Variants in RPS28 observed in about 807,000 individuals in gnomAD.
RPS28 encodes small ribosomal subunit protein eS28.
A neutral mutation model predicts 9.4 loss-of-function variants in RPS28; 2 were observed. That is an observed-to-expected ratio of 0.21 (90% CI 0.09 to 0.67). RPS28 has a LOEUF of 0.67. Among genes scored for constraint, RPS28 ranks in the 30% least tolerant of loss-of-function variants. The pLI is 0.82. For missense variants in RPS28, 35 were observed against 95.3 expected (o/e 0.37, Z 2.63); for synonymous variants, 41 against 37.8 (o/e 1.08, Z -0.31).
At position 8,323,106 on chromosome 19, in the gene RPS28, G is replaced by A. The variant is rs1970352442; in HGVS notation, c.*851G>A. The A allele has an allele frequency of 2.1e-6, 1 of 477,472 alleles. No individual in the cohort carries two copies. The highest frequency in any genetic ancestry group is 3.7e-6 in the Non-Finnish European group (1 of 269,036). The allele number at this position is 477,472 out of a possible 1,614,324, so 29.6% of individuals were successfully genotyped here. A position where few individuals can be genotyped will look rare whatever the true frequency, so the allele number is the denominator to read the frequency against. On this transcript the variant is annotated 3_prime_UTR_variant, in exon 4 of 4. Coordinates refer to ENST00000600659, the MANE Select transcript of RPS28 (RefSeq NM_001031.5). ...TGACCTTCCTCCCACATCCCTTCCA[G>A]TGGGGTGAGTACAGGTGTTCCTCAG...
chr19:8,323,142 G>A lies in RPS28; in HGVS notation c.*887G>A, dbSNP rs1970353367. 1 of 397,230 alleles carries A rather than the reference G, an allele frequency of 2.5e-6. No individual in the cohort carries two copies. The highest frequency in any genetic ancestry group is 4.5e-6 in the Non-Finnish European group (1 of 221,762). The allele number at this position is 397,230 out of a possible 1,614,324, so 24.6% of individuals were successfully genotyped here. On this transcript the variant is annotated 3_prime_UTR_variant, in exon 4 of 4. Transcript: ENST00000600659. ...ACAGGTGTTCCTCAGTTTACAATGGGTTACATTCCGGTGAGTACATCATAG... is the reference window on the plus strand; with the variant it reads ...ACAGGTGTTCCTCAGTTTACAATGGATTACATTCCGGTGAGTACATCATAG...
At position 8,323,221 on chromosome 19, in the gene RPS28, C is replaced by G. The variant is rs995439647; in HGVS notation, c.*966C>G. On this transcript the variant is annotated 3_prime_UTR_variant, in exon 4 of 4. Transcript: ENST00000600659. ...TTAATACACCTAATCTCCCAAACAT[C>G]ACAGCTTAGCATGGTCCATCTTAAG... The G allele has an allele frequency of 1.8e-5, 4 of 225,514 alleles. No homozygotes were observed. Among genetic ancestry groups the G allele is most frequent in the Admixed American group, 1.1e-4 (2 of 17,960 alleles). 14.0% of individuals were successfully genotyped at this position (225,514 alleles called of 1,614,324 possible). A position where few individuals can be genotyped will look rare whatever the true frequency, so the allele number is the denominator to read the frequency against.
Position 8,321,695 on chromosome 19 carries a change from T to A in RPS28, c.79T>A (p.Cys27Ser). Residue 27 changes from cysteine (C) to serine (S), a missense_variant, in exon 2 of 4, where the codon TGC becomes AGC. Coordinates refer to ENST00000600659, the MANE Select transcript of RPS28 (RefSeq NM_001031.5). ...VLGRTGSQGQ[C>S]TQVRVEFMDD... ...GGGCAGGACCGGTTCTCAGGGACAG[T>A]GCACGCAGGTAATCGGGTGGGGGCA... 1 of 1,566,214 alleles carries A rather than the reference T, an allele frequency of 6.4e-7. No homozygotes were observed. Among genetic ancestry groups the A allele is most frequent in the Non-Finnish European group, 8.7e-7 (1 of 1,155,060 alleles).
rs548607846 is a variant in RPS28 at position 8,321,524 on chromosome 19, C to T, written c.-7C>T. On this transcript the variant is annotated 5_prime_UTR_variant, in exon 1 of 4. Coordinates refer to ENST00000600659, the MANE Select transcript of RPS28 (RefSeq NM_001031.5). ...CCTCTCCGCCAGACCGCCGCCGCGC[C>T]GCCATCATGGACACCAGCCGTGTGC... 23 of 1,583,954 alleles carry T rather than the reference C, an allele frequency of 1.5e-5. No individual in the cohort carries two copies. The East Asian group carries it at 2.5e-4, about 17-fold the overall frequency.
In RPS28 at chr19:8,321,882, T is replaced by A. The variant is rs144360927; in HGVS notation, c.88-71T>A. Reference sequence around the variant, plus strand: ...CCGACACGTTCTCTGAATTCATATCTGCTTCCCACTCCGCGGTGCCTTTCC... The same window carrying A: ...CCGACACGTTCTCTGAATTCATATCAGCTTCCCACTCCGCGGTGCCTTTCC... On this transcript the variant is annotated intron_variant, in intron 2 of 3. Transcript: ENST00000600659. 4.4e-6 allele frequency: 7 copies of A among 1,588,358 alleles called. 1 individual carries two copies. The highest frequency in any genetic ancestry group is 4.0e-5 in the African/African-American group (3 of 74,464).
chr19:8,321,574 G>A lies in RPS28; in HGVS notation c.39+5G>A. ...CAGCCTATCAAGCTGGCCAGGGTGA[G>A]GTGGGGGCCCGAATTTGGGGGCAGG... On this transcript the variant is annotated splice_donor_5th_base_variant and intron_variant, in intron 1 of 3. Transcript: ENST00000600659. The A allele has an allele frequency of 1.9e-6, 3 of 1,579,202 alleles. No homozygotes were observed. The highest frequency in any genetic ancestry group is 2.3e-5 in the East Asian group (1 of 43,774).
At chr19:8,321,873 A>G (rs1970322497) in intron 2 of RPS28, 80 bp from the exon 3 acceptor site, 3 of 1,576,654 alleles carry the variant, frequency 1.9e-6, no homozygotes, top group Non-Finnish European at 2.6e-6. Context: ...CGTTCTCTGA[A>G]TTCATATCTG....
chr19:8,322,822 G>C lies in RPS28; in HGVS notation c.*567G>C. On this transcript the variant is annotated 3_prime_UTR_variant, in exon 4 of 4. Coordinates refer to ENST00000600659, the MANE Select transcript of RPS28 (RefSeq NM_001031.5). ...AGATCTCCCCACAGCTAGGTGTAGT[G>C]AGCCAGACGAGGCAGCTTACTGAAC... 6.3e-7 allele frequency: 1 copy of C among 1,591,138 alleles called. No individual in the cohort carries two copies. The highest frequency in any genetic ancestry group is 1.7e-5 in the Admixed American group (1 of 58,690).
chr19:8,322,218 G>A, intron 3 of RPS28, 54 bp from the exon 4 acceptor site: 1 of 1,079,212 alleles, frequency 9.3e-7, no homozygotes, highest in Non-Finnish European at 1.4e-6. Context: ...GGAGGCGGGA[G>A]TTTGCCAATT....
chr19:8,321,762 A>G, intron 2 of RPS28, 59 bp downstream of exon 2: 1 of 1,527,880 alleles, frequency 6.5e-7, no homozygotes, highest in Non-Finnish European at 8.8e-7. Flanking sequence ...TGTGACCTCT[A>G]CCCTGCCCTA....
In RPS28 at chr19:8,321,541, G is replaced by A. The variant is rs747458268; in HGVS notation, c.11G>A (p.Ser4Asn). The change falls in exon 1 of 4, where the codon AGC (serine) becomes AAC (asparagine). Residue 4 changes from serine to asparagine, a missense_variant. Around this residue, in one of 2 missense-constraint regions of RPS28, gnomAD observed 25 missense variants for 32.5 expected, o/e 0.77. Coordinates refer to ENST00000600659, the MANE Select transcript of RPS28 (RefSeq NM_001031.5). Reference sequence around the variant, plus strand: ...CGCCGCGCCGCCATCATGGACACCAGCCGTGTGCAGCCTATCAAGCTGGCC... The same window carrying A: ...CGCCGCGCCGCCATCATGGACACCAACCGTGTGCAGCCTATCAAGCTGGCC... MDT[S>N]RVQPIKLARV... The A allele has an allele frequency of 3.8e-6, 6 of 1,587,740 alleles. No individual in the cohort carries two copies. Among genetic ancestry groups the A allele is most frequent in the Middle Eastern group, 4.4e-4 (2 of 4,568 alleles).
In RPS28 at chr19:8,321,710, G is replaced by T. The variant is rs371551115; in HGVS notation, c.87+7G>T. 7.8e-5 allele frequency: 121 copies of T among 1,560,660 alleles called. No homozygotes were observed. The East Asian group carries it at 2.5e-3, about 32-fold the overall frequency. ...TCAGGGACAGTGCACGCAGGTAATC[G>T]GGTGGGGGCATTTGGCCGACTGCCG... On this transcript the variant is annotated splice_region_variant and intron_variant, in intron 2 of 3. Transcript: ENST00000600659.
chr19:8,322,143 G>C (rs1391064700), intron 3 of RPS28, 52 bp downstream of exon 3: 3 of 1,588,156 alleles, frequency 1.9e-6, no homozygotes, highest in South Asian at 1.1e-5. Flanking sequence ...GTGGTAGGGA[G>C]GCTTCGTTAA....
At chr19:8,322,184 T>C in intron 3 of RPS28, 88 bp from the exon 4 acceptor site, 1 of 1,376,644 alleles carries the variant, frequency 7.3e-7, no homozygotes, top group Middle Eastern at 1.8e-4. Context: ...GGAGGCAGAG[T>C]CTACATACAG....
Position 8,322,799 on chromosome 19 carries a change from A to T in RPS28, c.*544A>T. ...AAAGGCTGAGGTGACTGACGAGGAG[A>T]TCTCCCCACAGCTAGGTGTAGTGAG... On this transcript the variant is annotated 3_prime_UTR_variant, in exon 4 of 4. Transcript: ENST00000600659. 1 of 1,466,512 alleles carries T rather than the reference A, an allele frequency of 6.8e-7. No homozygotes were observed. The highest frequency in any genetic ancestry group is 9.5e-7 in the Non-Finnish European group (1 of 1,050,114). The allele number at this position is 1,466,512 out of a possible 1,614,324, so 90.8% of individuals were successfully genotyped here.
chr19:8,321,631 T>A (rs755545349), intron 1 of RPS28, 25 bp from the exon 2 acceptor site: 8 of 1,557,282 alleles, frequency 5.1e-6, no homozygotes, highest in African/African-American at 4.1e-5. Context: ...ACGGGCCGGG[T>A]CTGAACCCAG....
rs754819226 is a variant in RPS28, at chr19:8,322,060, C to T, written c.195C>T (p.Ala65=). The T allele has an allele frequency of 1.9e-6, 3 of 1,612,672 alleles. No homozygotes were observed. Among genetic ancestry groups the T allele is most frequent in the Admixed American group, 1.7e-5 (1 of 59,908 alleles). ...VLTLLESERE[A]RRLR Reference sequence around the variant, plus strand: ...CCCTTTTGGAGTCAGAGCGAGAAGCCCGGAGGTTGCGCTGAGCTTGGCTGC... The same window carrying T: ...CCCTTTTGGAGTCAGAGCGAGAAGCTCGGAGGTTGCGCTGAGCTTGGCTGC... The change falls in exon 3 of 4, where the codon GCC becomes GCT. Residue 65 remains alanine, a synonymous_variant. Transcript: ENST00000600659.
rs1229885193 is a variant in RPS28, at chr19:8,321,633, T to G, written c.40-23T>G. 7 of 1,556,290 alleles carry G rather than the reference T, an allele frequency of 4.5e-6. 1 individual carries two copies. The South Asian group carries it at 7.3e-5, about 16-fold the overall frequency. ...TTAGAGGAGCCAAACGGGCCGGGTC[T>G]GAACCCAGCTTCTTTCCTCCAGGTC... On this transcript the variant is annotated intron_variant, in intron 1 of 3. Coordinates refer to ENST00000600659, the MANE Select transcript of RPS28 (RefSeq NM_001031.5).
At chr19:8,321,632 C>G in intron 1 of RPS28, 24 bp from the exon 2 acceptor site, 1 of 1,555,804 alleles carries the variant, frequency 6.4e-7, no homozygotes, top group Non-Finnish European at 8.7e-7. Flanking sequence ...CGGGCCGGGT[C>G]TGAACCCAGC....
Sources: gnomAD v4.1 joint callset for allele counts on GRCh38, gnomAD v4.1.1 for gene constraint, gnomAD v4.1.1 regional missense constraint, MANE v1.5 for transcripts, NCBI Gene and HGNC (gene_info 2026-07-23, HGNC 2026-07-21) for gene names.